The following HDAC9 variants were observed in gnomAD, a reference collection of about 807,000 sequenced individuals.
HDAC9 encodes the protein histone deacetylase 9.
In HDAC9, 41 loss-of-function variants were observed where a neutral mutation model predicts 139.4. The ratio of observed to expected loss-of-function variants is 0.29; its 90% confidence interval spans 0.23 to 0.38. The LOEUF (loss-of-function observed/expected upper bound fraction) is 0.38. HDAC9 is among the 10% of genes least tolerant of loss of function. HDAC9 has a pLI of 1.00. For synonymous variants in HDAC9, 517 were observed against 476.2 expected, an observed-to-expected ratio of 1.09 and a Z score of -1.12; for missense variants, 1,147 against 1,297.0, an observed-to-expected ratio of 0.88 and a Z score of 1.78.
chr7:18,811,988 C>T (rs1794211154), intron 17 of HDAC9, among the ~76,000 whole-genome samples: 1 of 151,868 alleles, frequency 6.6e-6, no homozygotes, highest in Admixed American at 6.6e-5. Flanking sequence ...TTGTAATATA[C>T]ACATGTAGCT....
intron 1 of HDAC9, among the ~76,000 whole-genome samples, chr7:18,474,120 T>C (rs1794931624): frequency 1.3e-5 from 2 of 152,218 alleles, no homozygotes; most frequent in Non-Finnish European, 2.9e-5. Context: ...TTGTGAGCCT[T>C]GGTAATCTCT....
intron 2 of HDAC9, among the ~76,000 whole-genome samples, chr7:18,523,210 C>T (rs1032505829): frequency 6.6e-6 from 1 of 152,098 alleles, no homozygotes; most frequent in African/African-American, 2.4e-5. Flanking sequence ...CTTTGAACTT[C>T]TAAAGGATTT....
Position 18,727,715 on chromosome 7 carries a change from C to G in HDAC9, c.1867C>G (p.His623Asp). 1 of 1,576,370 alleles carries G rather than the reference C, an allele frequency of 6.3e-7. No individual in the cohort carries two copies. The highest frequency in any genetic ancestry group is 2.3e-5 in the East Asian group (1 of 42,760). Residue 623 changes from histidine to aspartate, a missense_variant, in exon 13 of 26, where the codon CAC (histidine) becomes GAC (aspartate). Physicochemically the swap from His to Asp is moderately conservative, Grantham distance 81 (BLOSUM62 -1). This residue lies in a region of HDAC9 where 256 missense variants were observed against 219.2 expected (regional missense o/e 1.17). Coordinates refer to ENST00000686413, the MANE Select transcript of HDAC9 (RefSeq NM_178425.4). ...HSSPAASVLP[H>D]PAMDRPLQPG... is the part of the protein sequence containing the mutation. ...TTCCCCTGCTGCCTCTGTTTTACCT[C>G]ACCCAGCAATGGACCGCCCCCTCCA...
chr7:18,238,451 C>T (rs1306828854), intron 2 of HDAC9, among the ~76,000 whole-genome samples: 2 of 152,146 alleles, frequency 1.3e-5, no homozygotes, highest in Non-Finnish European at 2.9e-5. Flanking sequence ...TTAACACTAG[C>T]GTAGTGGGAG....
chr7:18,359,456 C>G (rs1157568231), intron 1 of HDAC9, among the ~76,000 whole-genome samples: 1 of 152,186 alleles, frequency 6.6e-6, no homozygotes, highest in African/African-American at 2.4e-5. Context: ...CTTCCACTAA[C>G]CTGCTTTTCC....
chr7:18,320,982 T>C (rs574963915), intron 1 of HDAC9, among the ~76,000 whole-genome samples: 5 of 152,296 alleles, frequency 3.3e-5, no homozygotes, highest in African/African-American at 1.2e-4. Flanking sequence ...ATAACTAGTA[T>C]TGAGAATAAA....
At chr7:18,581,016 A>G (rs929181280) in intron 2 of HDAC9, among the ~76,000 whole-genome samples, 14 of 152,288 alleles carry the variant, frequency 9.2e-5, no homozygotes, top group African/African-American at 3.4e-4. Flanking sequence ...TAAAAATAGA[A>G]AGAATGGCTA....
At chr7:18,406,492 T>C (rs1368871585) in intron 1 of HDAC9, among the ~76,000 whole-genome samples, 1 of 152,046 alleles carries the variant, frequency 6.6e-6, no homozygotes, top group Non-Finnish European at 1.5e-5. Context: ...CTCCCGGGTT[T>C]ACGCCATTTT....
chr7:18,647,442 A>G (rs1194842783), intron 9 of HDAC9, among the ~76,000 whole-genome samples: 1 of 152,132 alleles, frequency 6.6e-6, no homozygotes, highest in African/African-American at 2.4e-5. Context: ...TGTACAATAT[A>G]TTGTTATTAA....
chr7:18,661,981 C>T (rs575202958), intron 11 of HDAC9, among the ~76,000 whole-genome samples: 1 of 152,226 alleles, frequency 6.6e-6, no homozygotes, highest in South Asian at 2.1e-4. Context: ...TCAGTGACTT[C>T]ACAGGTCAGA....
At chr7:18,192,417 C>G (rs936790413) in intron 2 of HDAC9, among the ~76,000 whole-genome samples, 1 of 152,092 alleles carries the variant, frequency 6.6e-6, no homozygotes, top group Non-Finnish European at 1.5e-5. Context: ...ACTTTTATTG[C>G]AAAACCTCTT....
intron 25 of HDAC9, among the ~76,000 whole-genome samples, chr7:18,990,834 T>G (rs1196813619): frequency 6.6e-6 from 1 of 152,248 alleles, no homozygotes; most frequent in African/African-American, 2.4e-5. Flanking sequence ...GTCACCCCTT[T>G]GACTAGGAAA....
intron 14 of HDAC9, among the ~76,000 whole-genome samples, chr7:18,761,806 A>C (rs927837040): frequency 2.0e-5 from 3 of 152,192 alleles, no homozygotes; most frequent in Non-Finnish European, 4.4e-5. Flanking sequence ...AGTGTAAAAT[A>C]AGATTGTAAT....
rs138795456 is a variant in HDAC9, at chr7:18,670,048, T to C, written c.1731+3572T>C. Among the ~76,000 whole-genome samples, 864 of 152,080 alleles carry C rather than the reference T, an allele frequency of 5.7e-3. 13 individuals are homozygous for C. Among genetic ancestry groups the C allele is most frequent in the African/African-American group, 0.02 (831 of 41,548 alleles). Reference sequence around the variant, plus strand: ...TTAACAGATAGATATATATAGAGTATTGTTTTTAATTTGGTGTTTCATTGT... The same window carrying C: ...TTAACAGATAGATATATATAGAGTACTGTTTTTAATTTGGTGTTTCATTGT... On this transcript the variant is annotated intron_variant, in intron 12 of 25. Coordinates refer to ENST00000686413, the MANE Select transcript of HDAC9 (RefSeq NM_178425.4).
intron 11 of HDAC9, among the ~76,000 whole-genome samples, chr7:18,650,343 T>C (rs916465699): frequency 2.0e-5 from 3 of 152,336 alleles, no homozygotes; most frequent in African/African-American, 7.2e-5. Flanking sequence ...ACTTTTCTGC[T>C]ATGCTTGGTT....
intron 2 of HDAC9, among the ~76,000 whole-genome samples, chr7:18,516,989 T>C (rs1364650230): frequency 6.6e-6 from 1 of 152,066 alleles, no homozygotes; most frequent in East Asian, 1.9e-4. Flanking sequence ...GACATCTGAT[T>C]TTAGGCTTCT....
At chr7:18,974,072 T>C (rs1414268716) in intron 24 of HDAC9, among the ~76,000 whole-genome samples, 1 of 152,188 alleles carries the variant, frequency 6.6e-6, no homozygotes, top group Non-Finnish European at 1.5e-5. Flanking sequence ...ACTCTTCCTA[T>C]GTTCTAGTCA....
intron 21 of HDAC9, among the ~76,000 whole-genome samples, chr7:18,865,958 A>G (rs1172983802): frequency 6.6e-6 from 1 of 151,492 alleles, no homozygotes; most frequent in Non-Finnish European, 1.5e-5. Flanking sequence ...ATAATATGCT[A>G]TTATAAATTA....
chr7:18,788,909 T>C (rs1398697397), intron 16 of HDAC9, among the ~76,000 whole-genome samples: 6 of 152,174 alleles, frequency 3.9e-5, no homozygotes, highest in African/African-American at 7.2e-5. Flanking sequence ...CTTTCTGCAG[T>C]CTTTCAGGAC....
Sources: allele counts gnomAD v4.1 joint callset (sites outside exome capture counted in the v4.1 genomes callset), GRCh38; gene constraint gnomAD v4.1.1; regional missense constraint gnomAD v4.1.1; transcripts MANE v1.5; gene names NCBI Gene and HGNC (gene_info 2026-07-23, HGNC 2026-07-21).